The following AASS variants were observed in gnomAD, a reference collection of about 807,000 sequenced individuals.
AASS encodes alpha-aminoadipic semialdehyde synthase, mitochondrial.
Under a neutral mutation model 105.4 loss-of-function variants are expected in AASS, and 86 were observed. The observed-to-expected ratio is 0.82, with a 90% CI of 0.69 to 0.98. The LOEUF (loss-of-function observed/expected upper bound fraction) is 0.98. AASS is among the 50% of genes least tolerant of loss of function. The pLI, the probability that AASS is intolerant of heterozygous loss-of-function variation, is 0.00. For missense variants in AASS, 1,048 were observed against 1,143.2 expected, an observed-to-expected ratio of 0.92 and a Z score of 1.20; for synonymous variants, 381 against 394.8, an observed-to-expected ratio of 0.96 and a Z score of 0.41.
At chr7:122,088,857 C>G (rs1317893326) in intron 18 of AASS, among the ~76,000 whole-genome samples, 2 of 152,032 alleles carry the variant, frequency 1.3e-5, no homozygotes, top group Non-Finnish European at 2.9e-5. Context: ...AGTACACCAC[C>G]ACTGTGAGGG....
chr7:122,073,741 C>G lies in AASS; in HGVS notation c.*2748G>C, dbSNP rs1368787659. On this transcript the variant is annotated 3_prime_UTR_variant, in exon 24 of 24. Transcript: ENST00000417368. ...AATTAGCAGTCACCCCTTTGTCCTC[C>G]CCAACCCTTCAGCCTAAGCAACCAC... 6.6e-6 allele frequency among the ~76,000 whole-genome samples: 1 copy of G among 152,114 alleles called. No homozygotes were observed. Among genetic ancestry groups the G allele is most frequent in the African/African-American group, 2.4e-5 (1 of 41,430 alleles).
Position 122,142,955 on chromosome 7 carries a change from T to A in AASS, c.-16+1206A>T, listed in dbSNP as rs953089432. 2.0e-5 allele frequency among the ~76,000 whole-genome samples: 3 copies of A among 152,160 alleles called. No homozygotes were observed. In the East Asian group the frequency reaches 5.8e-4, roughly 29 times the overall value. ...GTGAAACTGATAACAAATATGATTA[T>A]CTGAAGAGTGGGAAAATGATTCAGG... On this transcript the variant is annotated intron_variant, in intron 1 of 23. Coordinates refer to ENST00000417368, the MANE Select transcript of AASS (RefSeq NM_005763.4).
chr7:122,101,011 G>A (rs1431686686), intron 13 of AASS, among the ~76,000 whole-genome samples: 1 of 151,866 alleles, frequency 6.6e-6, no homozygotes, highest in Non-Finnish European at 1.5e-5. Context: ...AAGCACCACA[G>A]AAAGGCTAGT....
chr7:122,136,086 T>G lies in AASS; in HGVS notation c.-15-2345A>C, dbSNP rs114742563. On this transcript the variant is annotated intron_variant, in intron 1 of 23. Coordinates refer to ENST00000417368, the MANE Select transcript of AASS (RefSeq NM_005763.4). Reference sequence around the variant, plus strand: ...CAGCAAAATATAAGGATTCAATGATTTTTATACCTTCCAGAAATTTTCTAC... The same window carrying G: ...CAGCAAAATATAAGGATTCAATGATGTTTATACCTTCCAGAAATTTTCTAC... Among the ~76,000 whole-genome samples the G allele has an allele frequency of 4.9e-3, 744 of 152,262 alleles. 9 individuals carry two copies. Among genetic ancestry groups the G allele is most frequent in the African/African-American group, 0.017 (699 of 41,552 alleles).
intron 22 of AASS, among the ~76,000 whole-genome samples, chr7:122,078,332 T>C (rs1793130855): frequency 6.7e-6 from 1 of 150,138 alleles, no homozygotes; most frequent in Admixed American, 6.6e-5. Context: ...AAAAAAGTAA[T>C]GTCGGGCGCG....
intron 19 of AASS, among the ~76,000 whole-genome samples, chr7:122,082,144 C>T (rs1288169549): frequency 6.7e-6 from 1 of 148,168 alleles, no homozygotes; most frequent in Admixed American, 6.6e-5. Context: ...AGGTAGGAAT[C>T]AGAGATTTTT....
At position 122,119,932 on chromosome 7, in the gene AASS, G is replaced by A. The variant is rs73426028; in HGVS notation, c.473-1302C>T. ...CTGTGACACCTGCCTGTATGAAAAG[G>A]TGGCCCCCGATAAAGGTGGATTTTG... On this transcript the variant is annotated intron_variant, in intron 4 of 23. Transcript: ENST00000417368. Among the ~76,000 whole-genome samples the A allele has an allele frequency of 4.1e-3, 628 of 152,278 alleles. 7 individuals are homozygous for A. The highest frequency in any genetic ancestry group is 0.014 in the African/African-American group (598 of 41,558).
At chr7:122,133,816 T>C in intron 1 of AASS, 75 bp from the exon 2 acceptor site, 1 of 1,290,240 alleles carries the variant, frequency 7.8e-7, no homozygotes, top group Admixed American at 1.7e-5. Flanking sequence ...TCCTGAGAAA[T>C]CTGAGGTAAA....
In AASS at chr7:122,076,352, T is replaced by C. The variant is rs932773615; in HGVS notation, c.*137A>G. The C allele has an allele frequency of 6.6e-5, 46 of 698,038 alleles. No individual in the cohort carries two copies. Among genetic ancestry groups the C allele is most frequent in the African/African-American group, 4.1e-4 (23 of 56,196 alleles). The allele number at this position is 698,038 out of a possible 1,614,324, so 43.2% of individuals were successfully genotyped here. A position where few individuals can be genotyped will look rare whatever the true frequency, so the allele number is the denominator to read the frequency against. ...ATTTCCATATTAAAATAAAGATTTA[T>C]AGTTCAAAAAGTACATTGTGTTAAC... On this transcript the variant is annotated 3_prime_UTR_variant, in exon 24 of 24. Coordinates refer to ENST00000417368, the MANE Select transcript of AASS (RefSeq NM_005763.4).
chr7:122,139,849 G>C (rs1234963290), intron 1 of AASS, among the ~76,000 whole-genome samples: 4 of 152,100 alleles, frequency 2.6e-5, no homozygotes, highest in Non-Finnish European at 5.9e-5. Context: ...CTACTCGGGA[G>C]GCTGAAGCAT....
chr7:122,097,058 A>G (rs1794190503), intron 15 of AASS, among the ~76,000 whole-genome samples: 1 of 152,152 alleles, frequency 6.6e-6, no homozygotes, highest in African/African-American at 2.4e-5. Flanking sequence ...CGCTCATAAC[A>G]TTTATATAAA....
chr7:122,100,744 C>T (rs2150523567), intron 13 of AASS, among the ~76,000 whole-genome samples: 1 of 151,790 alleles, frequency 6.6e-6, no homozygotes, highest in Non-Finnish European at 1.5e-5. Context: ...TCAATGTTTT[C>T]AAACTTTAAG....
At chr7:122,120,485 T>G (rs59224714) in intron 4 of AASS, among the ~76,000 whole-genome samples, 31,209 of 151,882 alleles carry the variant, frequency 0.21, 3,457 homozygotes, top group African/African-American at 0.29. Flanking sequence ...ATTAATTTTA[T>G]TGATATTTTT....
chr7:122,118,114 C>T (rs1245106488), intron 6 of AASS, among the ~76,000 whole-genome samples, 193 bp downstream of exon 6: 1 of 152,128 alleles, frequency 6.6e-6, no homozygotes, highest in Non-Finnish European at 1.5e-5. Flanking sequence ...TATACACACA[C>T]ATACACATAC....
rs376318095 is a variant in AASS at position 122,087,620 on chromosome 7, G to A, written c.2017-1441C>T. On this transcript the variant is annotated intron_variant, in intron 18 of 23. Coordinates refer to ENST00000417368, the MANE Select transcript of AASS (RefSeq NM_005763.4). ...ACCTGTAATCCCAGCTACTTCACTCGGGAGGCTGAGGCAGGAGGATGGCCT... is the reference window on the plus strand; with the variant it reads ...ACCTGTAATCCCAGCTACTTCACTCAGGAGGCTGAGGCAGGAGGATGGCCT... Among the ~76,000 whole-genome samples, 15 of 152,230 alleles carry A rather than the reference G, an allele frequency of 9.9e-5. No individual in the cohort carries two copies. In the East Asian group the frequency reaches 2.7e-3, roughly 27 times the overall value.
intron 4 of AASS, among the ~76,000 whole-genome samples, chr7:122,124,447 T>C (rs1795568385): frequency 6.6e-6 from 1 of 152,148 alleles, no homozygotes; most frequent in Non-Finnish European, 1.5e-5. Context: ...CACGCCCGGC[T>C]AATTTTTGTA....
At chr7:122,081,755 T>G (rs906701360) in intron 19 of AASS, 160 bp from the exon 20 acceptor site, 3 of 615,796 alleles carry the variant, frequency 4.9e-6, no homozygotes, top group Middle Eastern at 4.4e-4. Context: ...GCCTAGCAGG[T>G]TTTCCTGTCT....
At position 122,076,455 on chromosome 7, in the gene AASS, G is replaced by A; in HGVS notation, c.*34C>T. ...TCACACACATGTTCAGAGGTGTATT[G>A]CCTGGGAAGAAAAAAACAAAATATA... On this transcript the variant is annotated 3_prime_UTR_variant, in exon 24 of 24. Transcript: ENST00000417368. 7.2e-7 allele frequency: 1 copy of A among 1,392,154 alleles called. No homozygotes were observed. The highest frequency in any genetic ancestry group is 2.3e-5 in the East Asian group (1 of 43,796). The allele number at this position is 1,392,154 out of a possible 1,614,324, so 86.2% of individuals were successfully genotyped here.
intron 3 of AASS, among the ~76,000 whole-genome samples, chr7:122,128,308 A>G (rs1391902189): frequency 6.6e-6 from 1 of 152,172 alleles, no homozygotes; most frequent in East Asian, 1.9e-4. Flanking sequence ...AGACAAAATA[A>G]GCATTTCTGA....
Sources: gnomAD v4.1 joint callset for allele counts (sites outside exome capture counted in the v4.1 genomes callset) on GRCh38, gnomAD v4.1.1 for gene constraint, MANE v1.5 for transcripts, NCBI Gene and HGNC (gene_info 2026-07-23, HGNC 2026-07-21) for gene names.